GARRE1: variants seen among roughly 807,000 people sequenced by gnomAD.
GARRE1 encodes the protein granule associated Rac and RHOG effector 1.
In GARRE1, 49 loss-of-function variants were observed where a neutral mutation model predicts 103.2. That is an observed-to-expected ratio of 0.47 (90% CI 0.38 to 0.60). The LOEUF (loss-of-function observed/expected upper bound fraction) is 0.60. GARRE1 is among the 20% of genes least tolerant of loss of function. The pLI is 0.00. For missense variants in GARRE1, 1,199 were observed against 1,370.5 expected (o/e 0.87, Z 1.98); for synonymous variants, 505 against 532.8 (o/e 0.95, Z 0.72).
At chr19:34,318,368 G>A (rs1051922634) in intron 2 of GARRE1, among the ~76,000 whole-genome samples, 1 of 152,242 alleles carries the variant, frequency 6.6e-6, no homozygotes, top group African/African-American at 2.4e-5. Context: ...GACAGTGCAT[G>A]GGCACTGTGC....
At chr19:34,287,244 G>A (rs1387313676) in intron 1 of GARRE1, among the ~76,000 whole-genome samples, 1 of 152,156 alleles carries the variant, frequency 6.6e-6, no homozygotes, top group Admixed American at 6.5e-5. Context: ...TTCCAGGAAG[G>A]GTGCTATCCT....
At chr19:34,296,640 C>T in intron 1 of GARRE1, 2 of 1,079,864 alleles carry the variant, frequency 1.9e-6, no homozygotes, top group Non-Finnish European at 2.8e-6. Context: ...GGGGTCCATC[C>T]ACTTAAGAGA....
rs535172912 is a variant in GARRE1, at chr19:34,259,119, G to A, written c.-796+4505G>A. On this transcript the variant is annotated intron_variant, in intron 1 of 13. Coordinates refer to ENST00000299505, the MANE Select transcript of GARRE1 (RefSeq NM_014686.5). ...GGAGGTTAAGGATTCAGTGAACTGT[G>A]ATTGTGCCACTGCACTCCAGCCCAA... is the stretch of plus-strand genomic sequence containing the variant. 5.3e-5 allele frequency among the ~76,000 whole-genome samples: 8 copies of A among 152,306 alleles called. No individual in the cohort carries two copies. In the South Asian group the frequency reaches 1.7e-3, roughly 32 times the overall value.
At position 34,299,661 on chromosome 19, in the gene GARRE1, T is replaced by A. The variant is rs1220143006; in HGVS notation, c.-795-18T>A. 6.6e-6 allele frequency: 1 copy of A among 152,202 alleles called. No homozygotes were observed. The highest frequency in any genetic ancestry group is 1.5e-5 in the Non-Finnish European group (1 of 68,046). 9.4% of individuals were successfully genotyped at this position (152,202 alleles called of 1,614,324 possible). ...TACTGTAGCCTTCCTCACTTTATCT[T>A]ATTTTTCCCCCCGACAGGAAAGGAC... On this transcript the variant is annotated intron_variant, in intron 1 of 13. Coordinates refer to ENST00000299505, the MANE Select transcript of GARRE1 (RefSeq NM_014686.5).
chr19:34,274,621 C>A (rs1002181405), intron 1 of GARRE1, among the ~76,000 whole-genome samples: 9 of 152,258 alleles, frequency 5.9e-5, no homozygotes, highest in African/African-American at 1.7e-4. Flanking sequence ...TTCTGGAGCA[C>A]AGGACAAAGA....
At chr19:34,283,775 T>C (rs1049967679) in intron 1 of GARRE1, among the ~76,000 whole-genome samples, 3 of 152,038 alleles carry the variant, frequency 2.0e-5, no homozygotes, top group African/African-American at 7.2e-5. Context: ...TTGTCAACCA[T>C]AGGTATAAGA....
rs1948830299 is a variant in GARRE1, at chr19:34,341,899, C to T, written c.1965C>T (p.Gly655=). 6.2e-7 allele frequency: 1 copy of T among 1,614,156 alleles called. No homozygotes were observed. Among genetic ancestry groups the T allele is most frequent in the Non-Finnish European group, 8.5e-7 (1 of 1,180,026 alleles). Residue 655 remains glycine (G), a synonymous_variant, in exon 10 of 14, where the codon GGC becomes GGT. Coordinates refer to ENST00000299505, the MANE Select transcript of GARRE1 (RefSeq NM_014686.5). ...EMQEVIDFLS[G]FNMGQSHQGS... is the part of the protein sequence containing the mutation. ...AAGAGGTGATAGATTTTCTCTCGGGCTTTAACATGGGCCAGTCACATCAGG... is the reference window on the plus strand; with the variant it reads ...AAGAGGTGATAGATTTTCTCTCGGGTTTTAACATGGGCCAGTCACATCAGG...
chr19:34,334,082 G>C (rs1474617789), intron 8 of GARRE1, among the ~76,000 whole-genome samples: 1 of 152,122 alleles, frequency 6.6e-6, no homozygotes, highest in Non-Finnish European at 1.5e-5. Context: ...CTTTGTTACT[G>C]AGTCTACAGC....
chr19:34,271,168 A>G (rs1391638907), intron 1 of GARRE1, among the ~76,000 whole-genome samples: 2 of 151,488 alleles, frequency 1.3e-5, no homozygotes, highest in Non-Finnish European at 2.9e-5. Flanking sequence ...CATTCTCATA[A>G]TTCTTAGTTT....
intron 1 of GARRE1, among the ~76,000 whole-genome samples, chr19:34,293,369 CTT>C (rs2073928323): frequency 6.7e-6 from 1 of 150,114 alleles, no homozygotes; most frequent in Admixed American, 6.7e-5. Context: ...TCCTCTCTCT[CTT>C]GATTCACCAG....
intron 1 of GARRE1, chr19:34,296,713 G>C: frequency 1.4e-6 from 1 of 716,308 alleles, no homozygotes; most frequent in Non-Finnish European, 2.5e-6. Context: ...GACTGGTTGT[G>C]TGTGGTATGG....
At chr19:34,287,442 C>T (rs1218107575) in intron 1 of GARRE1, among the ~76,000 whole-genome samples, 1 of 152,158 alleles carries the variant, frequency 6.6e-6, no homozygotes, top group African/African-American at 2.4e-5. Flanking sequence ...CAGATGGGCA[C>T]CACTGTGTCC....
chr19:34,256,216 T>TA (rs1035561565), intron 1 of GARRE1, among the ~76,000 whole-genome samples: 2 of 150,522 alleles, frequency 1.3e-5, no homozygotes, highest in Admixed American at 6.6e-5. Flanking sequence ...CTCTTTGTCA[T>TA]AAAAAAAAAT....
At chr19:34,259,183 A>G (rs183957593) in intron 1 of GARRE1, among the ~76,000 whole-genome samples, 3 of 152,090 alleles carry the variant, frequency 2.0e-5, no homozygotes, top group Non-Finnish European at 4.4e-5. Flanking sequence ...AAATAAGTAA[A>G]TAAATAAATA....
Position 34,354,728 on chromosome 19 carries a change from A to G in GARRE1, c.*1773A>G, listed in dbSNP as rs2074262166. 6.6e-6 allele frequency: 1 copy of G among 152,468 alleles called. No individual in the cohort carries two copies. The highest frequency in any genetic ancestry group is 1.5e-5 in the Non-Finnish European group (1 of 68,020). The allele number at this position is 152,468 out of a possible 1,614,324, so 9.4% of individuals were successfully genotyped here. ...TGTATGTATGTATGTATGTAAACAC[A>G]CACACTAATTTGAGAGGACCCGTAG... On this transcript the variant is annotated 3_prime_UTR_variant, in exon 14 of 14. Coordinates refer to ENST00000299505, the MANE Select transcript of GARRE1 (RefSeq NM_014686.5).
At position 34,342,246 on chromosome 19, in the gene GARRE1, G is replaced by T. The variant is rs757640059; in HGVS notation, c.2312G>T (p.Gly771Val). Residue 771 changes from glycine (G) to valine (V), a missense_variant, in exon 10 of 14, where the codon GGT becomes GTT. Coordinates refer to ENST00000299505, the MANE Select transcript of GARRE1 (RefSeq NM_014686.5). The stretch of plus-strand genomic sequence containing the variant: ...CAGCCAGCGCAGGCTGTTGGAGCAG[G>T]TCTGTCTCCTCTTGGTCAGTGGCCT... Reference protein sequence around the residue: ...SQQPAQAVGAGLSPLGQWPGI... With the variant: ...SQQPAQAVGAVLSPLGQWPGI... The T allele has an allele frequency of 4.3e-6, 7 of 1,614,126 alleles. No individual in the cohort carries two copies. The highest frequency in any genetic ancestry group is 5.1e-6 in the Non-Finnish European group (6 of 1,180,052).
At chr19:34,304,752 A>G (rs2145245750) in intron 2 of GARRE1, among the ~76,000 whole-genome samples, 1 of 151,794 alleles carries the variant, frequency 6.6e-6, no homozygotes, top group Middle Eastern at 3.4e-3. Context: ...GTGTGTATAA[A>G]ATGGCTTGTC....
chr19:34,303,815 C>T (rs962223576), intron 2 of GARRE1, among the ~76,000 whole-genome samples: 3 of 152,092 alleles, frequency 2.0e-5, no homozygotes, highest in African/African-American at 4.8e-5. Flanking sequence ...AGGGTTTCAC[C>T]GTGTGGGTCA....
At chr19:34,289,871 A>G (rs944215288) in intron 1 of GARRE1, among the ~76,000 whole-genome samples, 1 of 152,246 alleles carries the variant, frequency 6.6e-6, no homozygotes, top group Admixed American at 6.5e-5. Context: ...GGTCTAGTGC[A>G]AGACCTTTAA....
Sources: gnomAD v4.1 joint callset for allele counts (sites outside exome capture counted in the v4.1 genomes callset) on GRCh38, gnomAD v4.1.1 for gene constraint, MANE v1.5 for transcripts, NCBI Gene and HGNC (gene_info 2026-07-23, HGNC 2026-07-21) for gene names.